The following RPL19 variants were observed in gnomAD, a reference collection of about 807,000 sequenced individuals.
The protein encoded by RPL19 is large ribosomal subunit protein eL19.
A neutral mutation model predicts 25.1 loss-of-function variants in RPL19; 2 were observed. The ratio of observed to expected loss-of-function variants is 0.08; its 90% CI spans 0.03 to 0.25. The LOEUF (loss-of-function observed/expected upper bound fraction) is 0.25, where lower values mean the gene tolerates loss of function less well. Among genes scored for constraint, RPL19 ranks in the 10% least tolerant of loss-of-function variants. The pLI, the probability that RPL19 is intolerant of heterozygous loss-of-function variation, is 1.00. For missense variants in RPL19, 123 were observed against 271.8 expected (o/e 0.45, Z 3.85); for synonymous variants, 89 against 91.2 (o/e 0.98, Z 0.14).
chr17:39,200,563 C>G, intron 1 of RPL19: 2 of 1,296,416 alleles, frequency 1.5e-6, no homozygotes, highest in Non-Finnish European at 9.8e-7. Flanking sequence ...AAAAGTCTGC[C>G]CCGGCTGGTG....
Position 39,200,330 on chromosome 17 carries a change from G to A in RPL19, c.-15G>A, listed in dbSNP as rs1355393849. ...CCCGAGCGAGCTCTTTCCTTTCGCT[G>A]CTGCGGCCGCAGCCATGAGGTGAGG... On this transcript the variant is annotated 5_prime_UTR_variant, in exon 1 of 6. Transcript: ENST00000225430. 3 of 1,555,762 alleles carry A rather than the reference G, an allele frequency of 1.9e-6. No individual in the cohort carries two copies. Among genetic ancestry groups the A allele is most frequent in the South Asian group, 1.2e-5 (1 of 83,904 alleles).
Position 39,202,634 on chromosome 17 carries a change from A to G in RPL19, c.235+195A>G, listed in dbSNP as rs373980338. ...GAGAGTATCCCTGGTAGGAGGTCAC[A>G]TTTACTAAGTCCCTACCTACACTAT... On this transcript the variant is annotated intron_variant, in intron 3 of 5. Transcript: ENST00000225430. 5.1e-5 allele frequency: 34 copies of G among 667,078 alleles called. No individual in the cohort carries two copies. In the South Asian group the frequency reaches 6.4e-4, roughly 13 times the overall value. The allele number at this position is 667,078 out of a possible 1,614,324, so 41.3% of individuals were successfully genotyped here. A position where few individuals can be genotyped will look rare whatever the true frequency, so the allele number is the denominator to read the frequency against.
rs1451563817 is a variant in RPL19 at position 39,202,529 on chromosome 17, G to A, written c.235+90G>A. On this transcript the variant is annotated intron_variant, in intron 3 of 5. Transcript: ENST00000225430. ...GGATCTAAGCACTCTGTCTCATCTT[G>A]AGCCTGTTTCTTACTCCTTGATATT... 4.0e-6 allele frequency: 6 copies of A among 1,503,306 alleles called. No individual in the cohort carries two copies. In the East Asian group the frequency reaches 1.4e-4, roughly 34 times the overall value. 93.1% of individuals were successfully genotyped at this position (1,503,306 alleles called of 1,614,324 possible). A position where few individuals can be genotyped will look rare whatever the true frequency, so the allele number is the denominator to read the frequency against.
intron 5 of RPL19, 92 bp from the exon 6 acceptor site, chr17:39,204,433 A>G: frequency 6.7e-7 from 1 of 1,482,076 alleles, no homozygotes; most frequent in East Asian, 2.3e-5. Context: ...GAAGCTGACT[A>G]GGCTCAAAGG....
intron 1 of RPL19, 94 bp downstream of exon 1, chr17:39,200,443 G>C (rs538144063): frequency 2.2e-6 from 3 of 1,364,336 alleles, no homozygotes; most frequent in African/African-American, 3.0e-5. Flanking sequence ...AGATGAAATG[G>C]AGGCCGCCCT....
At position 39,201,209 on chromosome 17, in the gene RPL19, C is replaced by T. The variant is rs1286376430; in HGVS notation, c.6-4C>T. The stretch of plus-strand genomic sequence containing the variant: ...GAGTCTAATCATGTTTTCTGTGTGT[C>T]TAGTATGCTCAGGCTTCAGAAGAGG... On this transcript the variant is annotated splice_polypyrimidine_tract_variant and splice_region_variant and intron_variant, in intron 1 of 5. Transcript: ENST00000225430. 6.3e-7 allele frequency: 1 copy of T among 1,599,956 alleles called. No individual in the cohort carries two copies. The highest frequency in any genetic ancestry group is 1.1e-5 in the South Asian group (1 of 90,390).
intron 1 of RPL19, chr17:39,200,984 C>G: frequency 2.0e-6 from 1 of 494,326 alleles, no homozygotes; most frequent in Non-Finnish European, 3.5e-6. Context: ...GCTTGACTTT[C>G]CAGAGGAGAA....
chr17:39,201,894 A>T (rs1179994592), intron 2 of RPL19, among the ~76,000 whole-genome samples: 1 of 152,162 alleles, frequency 6.6e-6, no homozygotes, highest in Non-Finnish European at 1.5e-5. Flanking sequence ...TTACAAACCT[A>T]GGAAAGTTCA....
chr17:39,200,575 C>A, intron 1 of RPL19: 1 of 1,284,276 alleles, frequency 7.8e-7, no homozygotes, highest in South Asian at 2.3e-5. Flanking sequence ...CGGCTGGTGC[C>A]GCACCGCACA....
intron 5 of RPL19, 29 bp downstream of exon 5, chr17:39,204,216 A>G (rs2046309358): frequency 1.5e-6 from 2 of 1,318,088 alleles, no homozygotes; most frequent in South Asian, 2.4e-5. Context: ...TCTTAGGGGA[A>G]CATTCTTAGA....
intron 5 of RPL19, 23 bp from the exon 6 acceptor site, chr17:39,204,502 C>G (rs761636350): frequency 6.2e-7 from 1 of 1,613,448 alleles, no homozygotes; most frequent in Non-Finnish European, 8.5e-7. Flanking sequence ...CAAACTGACC[C>G]GTCTTTTCTC....
rs779382523 is a variant in RPL19, at chr17:39,204,212, G to A, written c.467+25G>A. ...CGTAAGTTTCTTTTCAGAGTCTTAGGGGAACATTCTTAGACCTTTGAGAGT... is the reference window on the plus strand; with the variant it reads ...CGTAAGTTTCTTTTCAGAGTCTTAGAGGAACATTCTTAGACCTTTGAGAGT... On this transcript the variant is annotated intron_variant, in intron 5 of 5. Coordinates refer to ENST00000225430, the MANE Select transcript of RPL19 (RefSeq NM_000981.4). 1.0e-5 allele frequency: 14 copies of A among 1,387,684 alleles called. No homozygotes were observed. The Admixed American group carries it at 2.0e-4, about 20-fold the overall frequency. The allele number at this position is 1,387,684 out of a possible 1,614,324, so 86.0% of individuals were successfully genotyped here. A position where few individuals can be genotyped will look rare whatever the true frequency, so the allele number is the denominator to read the frequency against.
chr17:39,200,301 C>A lies in RPL19; in HGVS notation c.-44C>A, dbSNP rs926370036. 6.6e-7 allele frequency: 1 copy of A among 1,518,788 alleles called. No homozygotes were observed. 94.1% of individuals were successfully genotyped at this position (1,518,788 alleles called of 1,614,324 possible). A position where few individuals can be genotyped will look rare whatever the true frequency, so the allele number is the denominator to read the frequency against. On this transcript the variant is annotated 5_prime_UTR_variant, in exon 1 of 6. Coordinates refer to ENST00000225430, the MANE Select transcript of RPL19 (RefSeq NM_000981.4). Reference sequence around the variant, plus strand: ...CCCCTTCGCAGATAATGGGAGGAGCCGGGCCCGAGCGAGCTCTTTCCTTTC... The same window carrying A: ...CCCCTTCGCAGATAATGGGAGGAGCAGGGCCCGAGCGAGCTCTTTCCTTTC...
At chr17:39,204,026 A>G (rs1439215894) in intron 4 of RPL19, 51 bp from the exon 5 acceptor site, 2 of 992,894 alleles carry the variant, frequency 2.0e-6, no homozygotes, top group Non-Finnish European at 3.2e-6. Context: ...CTCACAAGGC[A>G]GCCTCTGATC....
intron 2 of RPL19, 128 bp from the exon 3 acceptor site, chr17:39,202,189 T>C: frequency 8.7e-7 from 1 of 1,150,134 alleles, no homozygotes; most frequent in African/African-American, 1.6e-5. Context: ...AGAAATAAGT[T>C]CCAGTGTTTC....
intron 1 of RPL19, chr17:39,200,695 A>G (rs957994161): frequency 8.2e-6 from 9 of 1,098,942 alleles, no homozygotes; most frequent in Non-Finnish European, 1.0e-5. Flanking sequence ...CTTTCACGTG[A>G]TGTAGGGCAA....
At chr17:39,200,850 C>A in intron 1 of RPL19, 3 of 806,362 alleles carry the variant, frequency 3.7e-6, no homozygotes, top group Non-Finnish European at 4.6e-6. Flanking sequence ...GGAAATAAGC[C>A]CAGAAAACAG....
At chr17:39,201,111 T>A in intron 1 of RPL19, 102 bp from the exon 2 acceptor site, 1 of 765,586 alleles carries the variant, frequency 1.3e-6, no homozygotes, top group Non-Finnish European at 2.2e-6. Flanking sequence ...GAGTCTTATT[T>A]CGCGGCTGTG....
chr17:39,204,407 C>A, intron 5 of RPL19, 118 bp from the exon 6 acceptor site: 3 of 1,294,084 alleles, frequency 2.3e-6, no homozygotes, highest in South Asian at 1.3e-5. Flanking sequence ...TTTGGTGGGC[C>A]CAGCAACTCA....
Sources: allele counts gnomAD v4.1 joint callset (sites outside exome capture counted in the v4.1 genomes callset), GRCh38; gene constraint gnomAD v4.1.1; transcripts MANE v1.5; gene names NCBI Gene and HGNC (gene_info 2026-07-23, HGNC 2026-07-21).